HSD17B12: variants seen among roughly 807,000 people sequenced by gnomAD.
HSD17B12 encodes very-long-chain 3-oxoacyl-CoA reductase.
Under a neutral mutation model 39.3 loss-of-function variants are expected in HSD17B12, and 32 were observed. The observed-to-expected ratio is 0.81, with a 90% CI of 0.61 to 1.09. The LOEUF (loss-of-function observed/expected upper bound fraction) is 1.09. Among genes scored for constraint, HSD17B12 ranks in the 50% least tolerant of loss-of-function variants. HSD17B12 has a pLI of 0.00. For synonymous variants in HSD17B12, 150 were observed against 146.7 expected, an observed-to-expected ratio of 1.02 and a Z score of -0.16; for missense variants, 342 against 382.9, an observed-to-expected ratio of 0.89 and a Z score of 0.89.
intron 4 of HSD17B12, among the ~76,000 whole-genome samples, chr11:43,807,479 CA>C (rs1291804121): frequency 6.6e-6 from 1 of 152,092 alleles, no homozygotes; most frequent in African/African-American, 2.4e-5. Context: ...GGGACAGTAA[CA>C]AAAGATGATT....
intron 9 of HSD17B12, 41 bp downstream of exon 9, chr11:43,840,105 G>T (rs1046265839): frequency 1.3e-6 from 2 of 1,538,184 alleles, no homozygotes; most frequent in African/African-American, 2.8e-5. Context: ...CTGTTTTTGT[G>T]TGGTTTCCAG....
At chr11:43,743,631 A>C (rs1252335587) in intron 1 of HSD17B12, among the ~76,000 whole-genome samples, 1 of 152,208 alleles carries the variant, frequency 6.6e-6, no homozygotes, top group East Asian at 1.9e-4. Context: ...ATAACTGCCC[A>C]GCAGCCAGAA....
chr11:43,717,862 T>C (rs910796139), intron 1 of HSD17B12, among the ~76,000 whole-genome samples: 4 of 150,580 alleles, frequency 2.7e-5, no homozygotes, highest in African/African-American at 9.8e-5. Flanking sequence ...TGGAGTGCAG[T>C]GGCACCATCT....
chr11:43,747,185 C>G (rs1950419813), intron 1 of HSD17B12, among the ~76,000 whole-genome samples: 1 of 152,186 alleles, frequency 6.6e-6, no homozygotes, highest in Non-Finnish European at 1.5e-5. Flanking sequence ...TACTGAACAC[C>G]TACCTTGTGC....
intron 4 of HSD17B12, among the ~76,000 whole-genome samples, chr11:43,800,989 A>G (rs1238345212): frequency 1.3e-5 from 2 of 152,044 alleles, no homozygotes. Flanking sequence ...AAATACAAAA[A>G]TTAGCTGGGC....
At chr11:43,571,912 T>TAATTCAGGTGGGG in the HSD17B12 span, among the ~76,000 whole-genome samples, 2 of 152,338 alleles carry the variant, frequency 1.3e-5, no homozygotes, top group Admixed American at 6.5e-5. Context: ...TTATGCATGC[T>TAATTCAGGTGGGG]GTGGCCTATC....
the HSD17B12 span, among the ~76,000 whole-genome samples, chr11:43,575,465 G>T: frequency 6.6e-6 from 1 of 152,248 alleles, no homozygotes; most frequent in Non-Finnish European, 1.5e-5. The surrounding 1 kb of genome is among the most constrained non-coding windows in gnomAD (Gnocchi z 4.1). Context: ...GCGCGGGAGC[G>T]TGTGCACGGC....
chr11:43,556,736 T>C, the HSD17B12 span, among the ~76,000 whole-genome samples: 5 of 133,232 alleles, frequency 3.8e-5, no homozygotes, highest in African/African-American at 1.4e-4. Flanking sequence ...CCTCCAAGTC[T>C]GGCACTGAAC....
chr11:43,601,109 T>A, the HSD17B12 span, among the ~76,000 whole-genome samples: 1 of 151,922 alleles, frequency 6.6e-6, no homozygotes, highest in African/African-American at 2.4e-5. Context: ...CTTTATTTAT[T>A]TATTTTTAAT....
the HSD17B12 span, among the ~76,000 whole-genome samples, chr11:43,584,004 A>G: frequency 2.4e-4 from 37 of 152,264 alleles, no homozygotes; most frequent in African/African-American, 8.7e-4. Context: ...CAGGGGCCAC[A>G]GAGTCCCCTC....
At chr11:43,670,195 G>T in the HSD17B12 span, 1 of 152,206 alleles carries the variant, frequency 6.6e-6, no homozygotes, top group Non-Finnish European at 1.5e-5. Flanking sequence ...ATTGGAGAGG[G>T]GCAAAGCAGC....
intron 1 of HSD17B12, among the ~76,000 whole-genome samples, chr11:43,719,798 C>A (rs1263088094): frequency 3.9e-5 from 6 of 152,010 alleles, no homozygotes; most frequent in Admixed American, 6.6e-5. Flanking sequence ...AGCTTTTCAA[C>A]CTGCTTCTTA....
chr11:43,714,332 T>C (rs957974523), intron 1 of HSD17B12, among the ~76,000 whole-genome samples: 4 of 152,254 alleles, frequency 2.6e-5, no homozygotes, highest in African/African-American at 7.2e-5. Flanking sequence ...AGTTTCAGCT[T>C]TCTCCATATG....
At chr11:43,673,945 G>A in the HSD17B12 span, among the ~76,000 whole-genome samples, 2 of 152,098 alleles carry the variant, frequency 1.3e-5, no homozygotes, top group Non-Finnish European at 2.9e-5. Context: ...ATAAAATGGG[G>A]TTAAGAGTAG....
At chr11:43,615,440 G>C in the HSD17B12 span, among the ~76,000 whole-genome samples, 16 of 152,102 alleles carry the variant, frequency 1.1e-4, no homozygotes, top group Admixed American at 1.0e-3. Context: ...GCATATTTCT[G>C]GAACTCTCTC....
chr11:43,769,575 T>A (rs144897447), intron 3 of HSD17B12, among the ~76,000 whole-genome samples: 16 of 152,332 alleles, frequency 1.1e-4, no homozygotes, highest in African/African-American at 3.6e-4. Context: ...CCCTTCCAGT[T>A]TTCCTTTATG....
At chr11:43,701,511 A>G (rs1264196235) in intron 1 of HSD17B12, among the ~76,000 whole-genome samples, 2 of 152,200 alleles carry the variant, frequency 1.3e-5, no homozygotes, top group Non-Finnish European at 2.9e-5. Flanking sequence ...TGATTTTTGT[A>G]TATGGCAAGA....
the HSD17B12 span, among the ~76,000 whole-genome samples, chr11:43,669,213 T>C: frequency 1.3e-5 from 2 of 152,004 alleles, no homozygotes; most frequent in African/African-American, 2.4e-5. Context: ...AGAATAGCAA[T>C]TTATTGGCCA....
At chr11:43,751,057 A>G in intron 2 of HSD17B12, 100 bp downstream of exon 2, 1 of 769,574 alleles carries the variant, frequency 1.3e-6, no homozygotes, top group Non-Finnish European at 2.1e-6. Context: ...AAAAACACAA[A>G]TATAATGTTG....
Sources: allele counts gnomAD v4.1 joint callset (sites outside exome capture counted in the v4.1 genomes callset), GRCh38; gene constraint gnomAD v4.1.1; non-coding constraint Gnocchi (gnomAD v3.1); transcripts MANE v1.5; gene names NCBI Gene and HGNC (gene_info 2026-07-23, HGNC 2026-07-21).